Variants in ADCY1 observed in about 807,000 individuals in gnomAD.
ADCY1 encodes adenylate cyclase type 1.
Under a neutral mutation model 105.4 loss-of-function variants are expected in ADCY1, and 28 were observed. The observed-to-expected ratio is 0.27, with a 90% CI of 0.20 to 0.36. The LOEUF (loss-of-function observed/expected upper bound fraction) is 0.36, where lower values mean the gene tolerates loss of function less well. Ranked by LOEUF, ADCY1 falls within the 10% of genes least tolerant of loss-of-function variation. ADCY1 has a pLI of 1.00. For synonymous variants in ADCY1, 655 were observed against 623.8 expected, an observed-to-expected ratio of 1.05 and a Z score of -0.75; for missense variants, 977 against 1,434.2, an observed-to-expected ratio of 0.68 and a Z score of 5.15.
intron 8 of ADCY1, among the ~76,000 whole-genome samples, chr7:45,672,486 A>C (rs1784385144): frequency 6.6e-6 from 1 of 151,972 alleles, no homozygotes; most frequent in Non-Finnish European, 1.5e-5. Flanking sequence ...TCGATTCCTT[A>C]CATCAGCATT....
chr7:45,678,915 A>T (rs1784510786), intron 10 of ADCY1, among the ~76,000 whole-genome samples: 1 of 151,938 alleles, frequency 6.6e-6, no homozygotes, highest in Admixed American at 6.6e-5. Context: ...AATAACAATA[A>T]CTTTTGAGAA....
rs939479853 is a variant in ADCY1 at position 45,721,534 on chromosome 7, A to G, written c.*7539A>G. On this transcript the variant is annotated 3_prime_UTR_variant, in exon 20 of 20. Coordinates refer to ENST00000297323, the MANE Select transcript of ADCY1 (RefSeq NM_021116.4). Reference sequence around the variant, plus strand: ...TCCAGACACCCTGAAACTACACACCATTTCTTCCCTGCTCAGCTTCTGCTC... The same window carrying G: ...TCCAGACACCCTGAAACTACACACCGTTTCTTCCCTGCTCAGCTTCTGCTC... 2.0e-5 allele frequency: 8 copies of G among 396,748 alleles called. No homozygotes were observed. The highest frequency in any genetic ancestry group is 1.4e-4 in the South Asian group (1 of 7,056). 24.6% of individuals were successfully genotyped at this position (396,748 alleles called of 1,614,324 possible). A position where few individuals can be genotyped will look rare whatever the true frequency, so the allele number is the denominator to read the frequency against.
intron 4 of ADCY1, among the ~76,000 whole-genome samples, chr7:45,645,668 C>T (rs1484637132): frequency 6.6e-6 from 1 of 152,144 alleles, no homozygotes; most frequent in Non-Finnish European, 1.5e-5. Context: ...GGGAACACAG[C>T]TCAGAGCTGA....
At chr7:45,641,580 A>G (rs1004411506) in intron 4 of ADCY1, among the ~76,000 whole-genome samples, 3 of 152,136 alleles carry the variant, frequency 2.0e-5, no homozygotes, top group African/African-American at 7.2e-5. Context: ...AACTGATGAA[A>G]GTTACATCAT....
At chr7:45,612,703 GAA>G (rs1793623157) in intron 3 of ADCY1, among the ~76,000 whole-genome samples, 1 of 152,196 alleles carries the variant, frequency 6.6e-6, no homozygotes, top group South Asian at 2.1e-4. Flanking sequence ...TCTGGGGAGA[GAA>G]AGAGTCAGTG....
chr7:45,624,253 C>T (rs1793989598), intron 4 of ADCY1, among the ~76,000 whole-genome samples: 1 of 151,850 alleles, frequency 6.6e-6, no homozygotes, highest in African/African-American at 2.4e-5. Context: ...CTTGCCATGC[C>T]TGGCAGCAGT....
intron 11 of ADCY1, among the ~76,000 whole-genome samples, chr7:45,684,193 A>G (rs1177516954): frequency 6.6e-6 from 1 of 152,236 alleles, no homozygotes; most frequent in Non-Finnish European, 1.5e-5. Flanking sequence ...ACTGGATCCT[A>G]GATCCATAAC....
At chr7:45,689,600 G>A (rs188208776) in intron 14 of ADCY1, among the ~76,000 whole-genome samples, 15 of 152,258 alleles carry the variant, frequency 9.9e-5, no homozygotes, top group African/African-American at 3.6e-4. Context: ...CCACCTGCTT[G>A]ACCCACACAC....
intron 14 of ADCY1, among the ~76,000 whole-genome samples, chr7:45,693,678 C>T (rs943262460): frequency 4.0e-5 from 6 of 151,314 alleles, no homozygotes; most frequent in South Asian, 2.1e-4. Context: ...ATGTTTATTG[C>T]GGCACTATTC....
intron 2 of ADCY1, among the ~76,000 whole-genome samples, chr7:45,602,993 C>G (rs1793281584): frequency 1.3e-5 from 2 of 152,310 alleles, no homozygotes; most frequent in African/African-American, 4.8e-5. Context: ...CATAGGCACC[C>G]ACTAATTTAC....
intron 14 of ADCY1, among the ~76,000 whole-genome samples, chr7:45,698,785 G>A (rs1026444047): frequency 6.6e-6 from 1 of 152,190 alleles, no homozygotes; most frequent in Non-Finnish European, 1.5e-5. Context: ...CCAGTGGGGA[G>A]CTGCGACCTC....
intron 4 of ADCY1, among the ~76,000 whole-genome samples, chr7:45,635,678 T>C (rs1003949490): frequency 6.8e-6 from 1 of 147,548 alleles, no homozygotes; most frequent in Non-Finnish European, 1.5e-5. Flanking sequence ...ATTTCAAAGA[T>C]CTTGTTTTTT....
intron 4 of ADCY1, among the ~76,000 whole-genome samples, chr7:45,636,784 G>T (rs960339932): frequency 5.9e-5 from 9 of 152,136 alleles, no homozygotes; most frequent in African/African-American, 2.2e-4. Context: ...CAGGGAATCC[G>T]CCTGCCTCAG....
intron 5 of ADCY1, among the ~76,000 whole-genome samples, chr7:45,657,512 A>G (rs1228456790): frequency 6.6e-6 from 1 of 152,238 alleles, no homozygotes; most frequent in Non-Finnish European, 1.5e-5. Flanking sequence ...AGCATGGGCC[A>G]GAGCCACCCC....
chr7:45,583,257 G>A (rs78870864), intron 1 of ADCY1, among the ~76,000 whole-genome samples: 4,574 of 152,320 alleles, frequency 0.03, 75 homozygotes, highest in African/African-American at 0.04. Flanking sequence ...GTTTCCATGC[G>A]TGTATGCTTG....
intron 1 of ADCY1, among the ~76,000 whole-genome samples, chr7:45,586,210 G>A (rs1436405089): frequency 6.6e-6 from 1 of 152,084 alleles, no homozygotes; most frequent in Non-Finnish European, 1.5e-5. Context: ...TTGGAGAGGG[G>A]CACCATGGAG....
chr7:45,599,601 G>C (rs749042012), intron 2 of ADCY1, among the ~76,000 whole-genome samples: 3 of 150,790 alleles, frequency 2.0e-5, no homozygotes, highest in Non-Finnish European at 4.4e-5. Flanking sequence ...CTGTGAGGAG[G>C]TTTGTGGGTA....
chr7:45,585,289 T>C (rs903505157), intron 1 of ADCY1, among the ~76,000 whole-genome samples: 5 of 152,254 alleles, frequency 3.3e-5, no homozygotes, highest in African/African-American at 1.2e-4. Context: ...TTAGGAAACA[T>C]TGGCTTAGCC....
chr7:45,651,820 A>G (rs892927857), intron 5 of ADCY1, among the ~76,000 whole-genome samples: 1 of 152,210 alleles, frequency 6.6e-6, no homozygotes, highest in African/African-American at 2.4e-5. Context: ...AGGGGCCTGC[A>G]GGTCAGATGT....
Sources: allele counts gnomAD v4.1 joint callset (sites outside exome capture counted in the v4.1 genomes callset), GRCh38; gene constraint gnomAD v4.1.1; transcripts MANE v1.5; gene names NCBI Gene and HGNC (gene_info 2026-07-23, HGNC 2026-07-21).